Variants in SERINC5 observed in about 807,000 individuals in gnomAD.
The protein encoded by SERINC5 is serine incorporator 5.
In SERINC5, 41 loss-of-function variants were observed where a neutral mutation model predicts 63.1. That is an observed-to-expected ratio of 0.65 (90% CI 0.51 to 0.84). The LOEUF (loss-of-function observed/expected upper bound fraction) is 0.84. SERINC5 is among the 40% of genes least tolerant of loss of function. The pLI is 0.00. For synonymous variants in SERINC5, 222 were observed against 215.2 expected, an observed-to-expected ratio of 1.03 and a Z score of -0.28; for missense variants, 523 against 573.0, an observed-to-expected ratio of 0.91 and a Z score of 0.89.
intron 1 of SERINC5, among the ~76,000 whole-genome samples, chr5:80,222,804 C>T (rs1474556144): frequency 6.6e-6 from 1 of 151,564 alleles, no homozygotes. Flanking sequence ...GAACTCCTGG[C>T]CTCAGGTGAT....
Position 80,203,344 on chromosome 5 carries a change from C to T in SERINC5, c.28-291G>A, listed in dbSNP as rs76469030. 1,000 of 153,308 alleles carry T rather than the reference C, an allele frequency of 6.5e-3. 12 individuals are homozygous for T. The highest frequency in any genetic ancestry group is 0.023 in the African/African-American group (953 of 40,904). 9.5% of individuals were successfully genotyped at this position (153,308 alleles called of 1,614,324 possible). ...TTTTATATATACATATATACATACA[C>T]ACATGCACATATACACACACACACA... On this transcript the variant is annotated intron_variant, in intron 1 of 11. Coordinates refer to ENST00000507668, the MANE Select transcript of SERINC5 (RefSeq NM_001174072.3).
intron 2 of SERINC5, among the ~76,000 whole-genome samples, chr5:80,198,081 G>A (rs1580153929): frequency 1.3e-5 from 2 of 151,976 alleles, no homozygotes; most frequent in East Asian, 1.9e-4. Context: ...CTTGTGATCC[G>A]CCCGCCTCAG....
chr5:80,236,216 T>G (rs574380902), intron 1 of SERINC5, among the ~76,000 whole-genome samples: 2 of 152,292 alleles, frequency 1.3e-5, no homozygotes, highest in Admixed American at 1.3e-4. Flanking sequence ...GGCCAGCCAC[T>G]GTTCCAAGCG....
chr5:80,205,295 T>A (rs1750096433), intron 1 of SERINC5, among the ~76,000 whole-genome samples: 2 of 152,176 alleles, frequency 1.3e-5, no homozygotes, highest in Non-Finnish European at 2.9e-5. Flanking sequence ...TTCATATTAA[T>A]CCTTACTTTT....
intron 1 of SERINC5, among the ~76,000 whole-genome samples, chr5:80,229,075 G>A (rs981825475): frequency 9.9e-5 from 13 of 131,080 alleles, no homozygotes; most frequent in African/African-American, 3.2e-4. Context: ...CTAGGCTGGA[G>A]TGCAGTGGTG....
chr5:80,173,661 C>A (rs553770616), intron 5 of SERINC5, among the ~76,000 whole-genome samples: 5 of 152,172 alleles, frequency 3.3e-5, no homozygotes, highest in Non-Finnish European at 7.4e-5. Flanking sequence ...TCTTGCTGCT[C>A]TCCCCTCCCC....
Position 80,143,533 on chromosome 5 carries a change from T to C in SERINC5, c.*130A>G. ...GTAAAAAGCTAATCAGGAGATTTTT[T>C]TTTTTCTCTCTCAAAGCTTTTTCAG... On this transcript the variant is annotated 3_prime_UTR_variant, in exon 12 of 12. Coordinates refer to ENST00000507668, the MANE Select transcript of SERINC5 (RefSeq NM_001174072.3). 2 of 1,370,604 alleles carry C rather than the reference T, an allele frequency of 1.5e-6. No homozygotes were observed. The highest frequency in any genetic ancestry group is 1.9e-6 in the Non-Finnish European group (2 of 1,064,504). 84.9% of individuals were successfully genotyped at this position (1,370,604 alleles called of 1,614,324 possible).
At chr5:80,168,128 GAAT>G (rs1313070994) in intron 6 of SERINC5, among the ~76,000 whole-genome samples, 1 of 151,972 alleles carries the variant, frequency 6.6e-6, no homozygotes, top group Non-Finnish European at 1.5e-5. Flanking sequence ...GGGATTAGGA[GAAT>G]AATACTCTCA....
chr5:80,202,229 A>G (rs1580161302), intron 2 of SERINC5, among the ~76,000 whole-genome samples: 1 of 151,864 alleles, frequency 6.6e-6, no homozygotes, highest in African/African-American at 2.4e-5. Context: ...CAAGAGCAAA[A>G]CTCTGTCTCG....
At chr5:80,171,937 A>G (rs981452035) in intron 5 of SERINC5, among the ~76,000 whole-genome samples, 10 of 152,108 alleles carry the variant, frequency 6.6e-5, no homozygotes, top group African/African-American at 2.4e-4. Flanking sequence ...TAAATCCATG[A>G]GGTAATGAAT....
At chr5:80,129,577 G>C (rs1744864103) in intron 11 of SERINC5, among the ~76,000 whole-genome samples, 1 of 152,098 alleles carries the variant, frequency 6.6e-6, no homozygotes, top group Admixed American at 6.6e-5. Context: ...CCAAGTAGCT[G>C]GAATTATAGG....
intron 1 of SERINC5, among the ~76,000 whole-genome samples, chr5:80,215,948 T>C (rs1164360125): frequency 1.3e-5 from 2 of 152,182 alleles, no homozygotes; most frequent in African/African-American, 4.8e-5. Context: ...AGAATGTTTA[T>C]CAAGTCCTCT....
chr5:80,188,785 G>T (rs1046844745), intron 2 of SERINC5, among the ~76,000 whole-genome samples: 1 of 152,136 alleles, frequency 6.6e-6, no homozygotes, highest in Non-Finnish European at 1.5e-5. Context: ...TTACTCAGGA[G>T]GCTGGGGTAG....
At chr5:80,187,672 C>T (rs772992936) in intron 2 of SERINC5, among the ~76,000 whole-genome samples, 10 of 152,168 alleles carry the variant, frequency 6.6e-5, no homozygotes, top group Non-Finnish European at 1.3e-4. Context: ...GTTATCTGAG[C>T]ATTTTTAATA....
chr5:80,234,286 G>C (rs1486254822), intron 1 of SERINC5, among the ~76,000 whole-genome samples: 1 of 152,102 alleles, frequency 6.6e-6, no homozygotes, highest in Non-Finnish European at 1.5e-5. Flanking sequence ...TTTAATCTTA[G>C]CACCATTGTT....
At chr5:80,130,388 A>G (rs540139745) in intron 11 of SERINC5, among the ~76,000 whole-genome samples, 1 of 152,262 alleles carries the variant, frequency 6.6e-6, no homozygotes, top group Admixed American at 6.5e-5. Context: ...TCAAAAAAAA[A>G]AAAGAAGGCA....
At chr5:80,243,895 T>G (rs1429752883) in intron 1 of SERINC5, among the ~76,000 whole-genome samples, 1 of 151,968 alleles carries the variant, frequency 6.6e-6, no homozygotes, top group African/African-American at 2.4e-5. Context: ...TCCACAAACT[T>G]TCATAGAAAA....
chr5:80,178,379 G>A (rs1748184954), intron 2 of SERINC5, among the ~76,000 whole-genome samples: 1 of 60,666 alleles, frequency 1.6e-5, no homozygotes. Flanking sequence ...CCGACCCCAA[G>A]ACAAGGTCTC....
At chr5:80,153,475 T>G (rs565253086) in intron 8 of SERINC5, among the ~76,000 whole-genome samples, 15 of 109,516 alleles carry the variant, frequency 1.4e-4, no homozygotes, top group Admixed American at 9.5e-4. Flanking sequence ...CAAGAAAAGG[T>G]TTTTTTTTTA....
Sources: allele counts gnomAD v4.1 joint callset (sites outside exome capture counted in the v4.1 genomes callset), GRCh38; gene constraint gnomAD v4.1.1; transcripts MANE v1.5; gene names NCBI Gene and HGNC (gene_info 2026-07-23, HGNC 2026-07-21).